PNPLA5: variants seen among roughly 807,000 people sequenced by gnomAD.
The protein encoded by PNPLA5 is patatin like domain 5, triacylglycerol lipase.
A neutral mutation model predicts 49.1 loss-of-function variants in PNPLA5; 44 were observed. The ratio of observed to expected loss-of-function variants is 0.90; its 90% CI spans 0.70 to 1.15. PNPLA5 has a LOEUF of 1.15. Among genes scored for constraint, PNPLA5 ranks in the 50% most tolerant of loss-of-function variants. The probability of loss-of-function intolerance (pLI) is 0.00; values close to 1 mark genes in which losing one functional copy is unlikely to be tolerated. For missense variants in PNPLA5, 603 were observed against 564.0 expected (o/e 1.07, Z -0.70); for synonymous variants, 243 against 244.4 (o/e 0.99, Z 0.06).
Position 43,886,381 on chromosome 22 carries a change from A to G in PNPLA5, c.871T>C (p.Ser291Pro), listed in dbSNP as rs766679374. ...GCDQRWKGGL[S>P]LNWKVPHVQV... ...ACATGGGGCACTTTCCAGTTGAGAGACAGGCCCCCCTTCCAGCGTTGGTCA... is the reference window on the plus strand; with the variant it reads ...ACATGGGGCACTTTCCAGTTGAGAGGCAGGCCCCCCTTCCAGCGTTGGTCA... The change falls in exon 6 of 9, where the codon TCT (serine) becomes CCT (proline). Residue 291 changes from serine to proline, a missense_variant. Physicochemically the swap from Ser to Pro is moderately conservative, Grantham distance 74 (BLOSUM62 -1). Coordinates refer to ENST00000216177, the MANE Select transcript of PNPLA5 (RefSeq NM_138814.4). 1 of 1,614,174 alleles carries G rather than the reference A, an allele frequency of 6.2e-7. No individual in the cohort carries two copies. Among genetic ancestry groups the G allele is most frequent in the South Asian group, 1.1e-5 (1 of 91,086 alleles).
intron 7 of PNPLA5, among the ~76,000 whole-genome samples, chr22:43,882,280 G>C (rs977746877): frequency 6.6e-6 from 1 of 152,196 alleles, no homozygotes; most frequent in Admixed American, 6.5e-5. Flanking sequence ...CCAGATTCAG[G>C]GTCCTTGGAA....
chr22:43,887,802 G>T (rs775975986), intron 4 of PNPLA5, 151 bp from the exon 5 acceptor site: 3 of 566,114 alleles, frequency 5.3e-6, no homozygotes, highest in Non-Finnish European at 6.7e-6. Context: ...CAGGGCAGGA[G>T]CCTGGGCAGG....
intron 3 of PNPLA5, 104 bp from the exon 4 acceptor site, chr22:43,889,642 C>T: frequency 6.5e-7 from 1 of 1,529,376 alleles, no homozygotes; most frequent in Admixed American, 2.1e-5. Flanking sequence ...ACCAGGGCCA[C>T]TCCAGCCCAG....
intron 4 of PNPLA5, 166 bp from the exon 5 acceptor site, chr22:43,887,817 TAG>T (rs2049681917): frequency 1.0e-5 from 10 of 968,310 alleles, no homozygotes; most frequent in Non-Finnish European, 1.2e-5. Context: ...GGCAGGACCT[TAG>T]CACTGGGCAG....
At position 43,880,455 on chromosome 22, in the gene PNPLA5, G is replaced by C. The variant is rs995097026; in HGVS notation, c.*340C>G. On this transcript the variant is annotated 3_prime_UTR_variant, in exon 9 of 9. Transcript: ENST00000216177. ...GCACTTTCTCAATCTTCTGTGAGGT[G>C]CTCCGTGGGCAGCTCCACGGCAGAA... The C allele has an allele frequency of 7.5e-6, 3 of 398,614 alleles. No individual in the cohort carries two copies. The highest frequency in any genetic ancestry group is 6.2e-5 in the African/African-American group (3 of 48,644). The allele number at this position is 398,614 out of a possible 1,614,324, so 24.7% of individuals were successfully genotyped here.
In PNPLA5 at chr22:43,884,313, G is replaced by A. The variant is rs149836456; in HGVS notation, c.982C>T (p.Arg328Trp). The A allele has an allele frequency of 2.7e-4, 433 of 1,596,954 alleles. 1 individual carries two copies. Among genetic ancestry groups the A allele is most frequent in the Middle Eastern group, 5.0e-4 (3 of 6,006 alleles). The change falls in exon 7 of 9, where the codon CGG becomes TGG. Residue 328 changes from arginine to tryptophan, a missense_variant. By Grantham distance (101) the Arg-to-Trp change is moderately radical. Coordinates refer to ENST00000216177, the MANE Select transcript of PNPLA5 (RefSeq NM_138814.4). ...LKKACTRDPS[R>W]WARFWHSGPG... ...CCCGAGTGCCAGAAGCGGGCCCACC[G>A]GCTGGGATCCCTCGTACATGCTTTC...
chr22:43,889,844 G>A lies in PNPLA5; in HGVS notation c.447C>T (p.Tyr149=). ...GGATCAGCCCGCAGTAGAAAGGAAA[G>A]TATAAGGTGCAGACCAAGGCCTAGG... ...ELIQALVCTL[Y]FPFYCGLIPP... Residue 149 remains tyrosine, a synonymous_variant, in exon 3 of 9, where the codon TAC becomes TAT. Transcript: ENST00000216177. 6.2e-7 allele frequency: 1 copy of A among 1,613,704 alleles called. No individual in the cohort carries two copies. Among genetic ancestry groups the A allele is most frequent in the East Asian group, 2.2e-5 (1 of 44,886 alleles).
At chr22:43,885,601 C>T (rs1751079668) in intron 6 of PNPLA5, among the ~76,000 whole-genome samples, 1 of 152,132 alleles carries the variant, frequency 6.6e-6, no homozygotes, top group Non-Finnish European at 1.5e-5. Context: ...TGCCTCTTGG[C>T]CTGGCCAACA....
At chr22:43,891,026 C>A in intron 2 of PNPLA5, 36 bp downstream of exon 2, 2 of 1,584,832 alleles carry the variant, frequency 1.3e-6, no homozygotes, top group Non-Finnish European at 1.7e-6. Context: ...TGGAGCCCGC[C>A]CACCAGCCAA....
At chr22:43,890,579 A>G (rs1207670147) in intron 2 of PNPLA5, among the ~76,000 whole-genome samples, 1 of 152,120 alleles carries the variant, frequency 6.6e-6, no homozygotes, top group African/African-American at 2.4e-5. Context: ...TTACTTGGAG[A>G]TGAGTTCATT....
chr22:43,889,938 C>G (rs2049706849), intron 2 of PNPLA5, 74 bp from the exon 3 acceptor site: 1 of 1,565,544 alleles, frequency 6.4e-7, no homozygotes, highest in African/African-American at 1.3e-5. Context: ...GGCACGGTTT[C>G]TAATCCCAAC....
At position 43,889,777 on chromosome 22, in the gene PNPLA5, C is replaced by T. The variant is rs949741650; in HGVS notation, c.492+22G>A. On this transcript the variant is annotated intron_variant, in intron 3 of 8. Transcript: ENST00000216177. ...ACCCCAGGCTGCCCAGAGCACAGAA[C>T]GGGGTTCCAGAGTGCACTCACCTCC... 26 of 1,608,856 alleles carry T rather than the reference C, an allele frequency of 1.6e-5. 1 individual carries two copies. In the Middle Eastern group the frequency reaches 7.6e-4, roughly 47 times the overall value.
chr22:43,879,770 G>A lies in PNPLA5; in HGVS notation c.*1025C>T, dbSNP rs1478695873. 2 of 152,132 alleles carry A rather than the reference G, an allele frequency of 1.3e-5. No individual in the cohort carries two copies. The highest frequency in any genetic ancestry group is 2.9e-5 in the Non-Finnish European group (2 of 68,044). 9.4% of individuals were successfully genotyped at this position (152,132 alleles called of 1,614,324 possible). A position where few individuals can be genotyped will look rare whatever the true frequency, so the allele number is the denominator to read the frequency against. On this transcript the variant is annotated 3_prime_UTR_variant, in exon 9 of 9. Coordinates refer to ENST00000216177, the MANE Select transcript of PNPLA5 (RefSeq NM_138814.4). ...AGTGGCGTGATCACGGTTCACTGCA[G>A]CCTCGACCTCCTGGGCTCAAATGAT...
At chr22:43,885,158 G>T (rs190935165) in intron 6 of PNPLA5, among the ~76,000 whole-genome samples, 1 of 152,340 alleles carries the variant, frequency 6.6e-6, no homozygotes, top group East Asian at 1.9e-4. Context: ...TGCTCCACCC[G>T]AGGCAGCTCT....
At chr22:43,891,009 G>T in intron 2 of PNPLA5, 53 bp downstream of exon 2, 6 of 1,569,154 alleles carry the variant, frequency 3.8e-6, no homozygotes, top group Non-Finnish European at 5.2e-6. Flanking sequence ...TGTCACTCTG[G>T]ACTAGATGGA....
intron 6 of PNPLA5, among the ~76,000 whole-genome samples, chr22:43,885,828 T>G (rs55655056): frequency 0.091 from 13,850 of 152,296 alleles, 658 homozygotes; most frequent in Non-Finnish European, 0.1. Context: ...TATGGTTTCC[T>G]CATCTGTACA....
At chr22:43,881,383 G>A (rs1352481126) in intron 8 of PNPLA5, among the ~76,000 whole-genome samples, 175 bp downstream of exon 8, 2 of 152,208 alleles carry the variant, frequency 1.3e-5, no homozygotes, top group Admixed American at 6.5e-5. Flanking sequence ...CAGGTCGGGC[G>A]CACAGCAGTG....
intron 1 of PNPLA5, 150 bp downstream of exon 1, chr22:43,891,537 TC>T: frequency 7.9e-7 from 1 of 1,261,548 alleles, no homozygotes; most frequent in South Asian, 1.6e-5. Context: ...GGTCACCTAG[TC>T]CCCAGCACTC....
At chr22:43,888,665 C>A (rs1204541137) in intron 4 of PNPLA5, among the ~76,000 whole-genome samples, 1 of 152,062 alleles carries the variant, frequency 6.6e-6, no homozygotes, top group African/African-American at 2.4e-5. Flanking sequence ...AAACTCCTGA[C>A]CTTAAGTGAT....
Sources: allele counts gnomAD v4.1 joint callset (sites outside exome capture counted in the v4.1 genomes callset), GRCh38; gene constraint gnomAD v4.1.1; transcripts MANE v1.5; gene names NCBI Gene and HGNC (gene_info 2026-07-23, HGNC 2026-07-21).